Variants in CACNA1S observed in about 807,000 individuals in gnomAD.
CACNA1S encodes the protein calcium voltage-gated channel subunit alpha1 S.
In CACNA1S, 126 loss-of-function variants were observed where a neutral mutation model predicts 207.4. That is an observed-to-expected ratio of 0.61 (90% CI 0.53 to 0.70). The LOEUF (loss-of-function observed/expected upper bound fraction) is 0.70. Ranked by LOEUF, CACNA1S falls within the 30% of genes least tolerant of loss-of-function variation. CACNA1S has a pLI of 0.00. For synonymous variants in CACNA1S, 960 were observed against 932.7 expected (o/e 1.03, Z -0.53); for missense variants, 2,349 against 2,422.8 (o/e 0.97, Z 0.64).
At chr1:201,079,152 C>G (rs1410994718) in intron 10 of CACNA1S, among the ~76,000 whole-genome samples, 2 of 151,002 alleles carry the variant, frequency 1.3e-5, no homozygotes, top group African/African-American at 2.4e-5. Context: ...CCAAGACTCT[C>G]CCATTTTCCC....
At chr1:201,109,474 C>CT (rs1663022192) in intron 2 of CACNA1S, among the ~76,000 whole-genome samples, 2 of 152,178 alleles carry the variant, frequency 1.3e-5, no homozygotes, top group Non-Finnish European at 2.9e-5. Flanking sequence ...TTAATAAGCA[C>CT]TTACTAAATG....
intron 41 of CACNA1S, 70 bp from the exon 42 acceptor site, chr1:201,040,783 C>T (rs903341677): frequency 7.9e-5 from 97 of 1,235,178 alleles, no homozygotes; most frequent in Non-Finnish European, 1.1e-4. Context: ...TCAACAGAGG[C>T]TCGCTTGGCT....
At chr1:201,095,673 C>T (rs1294239414) in intron 2 of CACNA1S, among the ~76,000 whole-genome samples, 1 of 152,228 alleles carries the variant, frequency 6.6e-6, no homozygotes, top group Non-Finnish European at 1.5e-5. Context: ...CCAAAGCTTT[C>T]CCCTTCTTCC....
At chr1:201,076,650 A>G (rs1000327896) in intron 12 of CACNA1S, among the ~76,000 whole-genome samples, 1 of 152,222 alleles carries the variant, frequency 6.6e-6, no homozygotes, top group African/African-American at 2.4e-5. Flanking sequence ...ACCCAGTCAT[A>G]TTATCCTGCA....
chr1:201,096,885 G>A (rs1662453688), intron 2 of CACNA1S, among the ~76,000 whole-genome samples: 2 of 152,168 alleles, frequency 1.3e-5, no homozygotes, highest in Admixed American at 6.5e-5. Flanking sequence ...TTTTCACAGA[G>A]CTGTTGTTTG....
At chr1:201,065,335 G>A (rs994785468) in intron 22 of CACNA1S, among the ~76,000 whole-genome samples, 1 of 152,198 alleles carries the variant, frequency 6.6e-6, no homozygotes, top group African/African-American at 2.4e-5. Context: ...ATCTCTTAAA[G>A]CTATTAACCA....
Position 201,047,184 on chromosome 1 carries a change from G to T in CACNA1S, c.4599C>A (p.Phe1533Leu). ...FYATFLIQEH[F>L]RKFMKRQEEY... ...CCTCTTGGCGTTTCATGAACTTCCG[G>T]AAGTGCTCCTGGATGAGGAATGTGG... is the stretch of plus-strand genomic sequence containing the variant. Residue 1533 changes from phenylalanine to leucine, a missense_variant, in exon 38 of 44, where the codon TTC becomes TTA. By Grantham distance (22) the Phe-to-Leu change is conservative. Coordinates refer to ENST00000362061, the MANE Select transcript of CACNA1S (RefSeq NM_000069.3). 1 of 1,614,212 alleles carries T rather than the reference G, an allele frequency of 6.2e-7. No individual in the cohort carries two copies. Among genetic ancestry groups the T allele is most frequent in the Admixed American group, 1.7e-5 (1 of 60,026 alleles).
chr1:201,102,822 G>C (rs912503573), intron 2 of CACNA1S, among the ~76,000 whole-genome samples: 4 of 152,268 alleles, frequency 2.6e-5, no homozygotes, highest in Non-Finnish European at 5.9e-5. Flanking sequence ...CAGTATGCCT[G>C]GGACACCTGG....
chr1:201,075,414 G>T (rs1263723705), intron 13 of CACNA1S, 81 bp downstream of exon 13: 2 of 1,579,134 alleles, frequency 1.3e-6, no homozygotes, highest in South Asian at 1.1e-5. Flanking sequence ...CTAGAAACTG[G>T]ACACCCTTGA....
rs1007382312 is a variant in CACNA1S, at chr1:201,065,291, T to C, written c.2853+547A>G. The stretch of plus-strand genomic sequence containing the variant: ...ATTTAATTTTTAAAAGAGCTTAAGA[T>C]AGTTGCTGTCAGGTTTTCATTTTAG... On this transcript the variant is annotated intron_variant, in intron 22 of 43. Coordinates refer to ENST00000362061, the MANE Select transcript of CACNA1S (RefSeq NM_000069.3). Among the ~76,000 whole-genome samples, 7 of 152,240 alleles carry C rather than the reference T, an allele frequency of 4.6e-5. 1 individual carries two copies. The highest frequency in any genetic ancestry group is 1.7e-4 in the African/African-American group (7 of 41,462).
Position 201,042,566 on chromosome 1 carries a change from A to T in CACNA1S, c.5048+715T>A, listed in dbSNP as rs1660296857. On this transcript the variant is annotated intron_variant, in intron 40 of 43. Coordinates refer to ENST00000362061, the MANE Select transcript of CACNA1S (RefSeq NM_000069.3). ...TTACCTTGCACCATGGTGACCCAAAAAGGTACATGCACCCTTCAAGGCTTG... is the reference window on the plus strand; with the variant it reads ...TTACCTTGCACCATGGTGACCCAAATAGGTACATGCACCCTTCAAGGCTTG... Among the ~76,000 whole-genome samples, 7 of 152,198 alleles carry T rather than the reference A, an allele frequency of 4.6e-5. No individual in the cohort carries two copies. The South Asian group carries it at 1.4e-3, about 31-fold the overall frequency.
intron 10 of CACNA1S, among the ~76,000 whole-genome samples, chr1:201,078,533 A>C (rs1169417127): frequency 2.0e-5 from 3 of 151,860 alleles, no homozygotes; most frequent in African/African-American, 4.8e-5. Flanking sequence ...AAAAAAAAAA[A>C]AAAAAACCCG....
chr1:201,051,989 T>C (rs1660669977), intron 32 of CACNA1S, among the ~76,000 whole-genome samples: 1 of 152,106 alleles, frequency 6.6e-6, no homozygotes, highest in Non-Finnish European at 1.5e-5. Flanking sequence ...TGGGTGTGGG[T>C]GTCCCTAGGC....
intron 1 of CACNA1S, 23 bp from the exon 2 acceptor site, chr1:201,110,292 C>T: frequency 2.5e-6 from 4 of 1,606,286 alleles, no homozygotes; most frequent in Non-Finnish European, 3.4e-6. Context: ...TTAAGGAGAG[C>T]CCTCGAGTGA....
intron 16 of CACNA1S, among the ~76,000 whole-genome samples, chr1:201,071,091 C>G (rs1291614620): frequency 6.6e-6 from 1 of 152,128 alleles, no homozygotes; most frequent in Non-Finnish European, 1.5e-5. Flanking sequence ...ACCCGAAATC[C>G]TCAGCTCCCA....
At chr1:201,068,431 C>T (rs952709785) in intron 19 of CACNA1S, among the ~76,000 whole-genome samples, 7 of 150,254 alleles carry the variant, frequency 4.7e-5, no homozygotes, top group African/African-American at 1.5e-4. Flanking sequence ...TTAGTAGAGA[C>T]AGGGTTTCAT....
intron 2 of CACNA1S, among the ~76,000 whole-genome samples, chr1:201,104,145 A>G (rs962402572): frequency 1.3e-5 from 2 of 152,256 alleles, no homozygotes; most frequent in African/African-American, 4.8e-5. Flanking sequence ...GCCAAGGATT[A>G]TCTAATTATC....
At chr1:201,094,391 T>C (rs1283158145) in intron 2 of CACNA1S, among the ~76,000 whole-genome samples, 1 of 152,230 alleles carries the variant, frequency 6.6e-6, no homozygotes, top group Non-Finnish European at 1.5e-5. Context: ...TTGTTCATTA[T>C]CTATCTTCTC....
chr1:201,088,724 C>A (rs1044981335), intron 6 of CACNA1S, among the ~76,000 whole-genome samples: 4 of 152,204 alleles, frequency 2.6e-5, no homozygotes, highest in African/African-American at 7.2e-5. Flanking sequence ...TAGCTCTTAA[C>A]AAACACCAAA....
Sources: gnomAD v4.1 joint callset for allele counts (sites outside exome capture counted in the v4.1 genomes callset) on GRCh38, gnomAD v4.1.1 for gene constraint, MANE v1.5 for transcripts, NCBI Gene and HGNC (gene_info 2026-07-23, HGNC 2026-07-21) for gene names.